PCSK5: variants seen among roughly 807,000 people sequenced by gnomAD.
The protein encoded by PCSK5 is proprotein convertase subtilisin/kexin type 5, also known as prohormone convertase 5.
A neutral mutation model predicts 233.2 loss-of-function variants in PCSK5; 129 were observed. That is an observed-to-expected ratio of 0.55 (90% CI 0.48 to 0.64). PCSK5 has a LOEUF of 0.64. Among genes scored for constraint, PCSK5 ranks in the 30% least tolerant of loss-of-function variants. The pLI is 0.00. For synonymous variants in PCSK5, 825 were observed against 879.2 expected (o/e 0.94, Z 1.09); for missense variants, 2,076 against 2,430.1 (o/e 0.85, Z 3.06).
chr9:76,352,200 C>T (rs1003830482), intron 36 of PCSK5, among the ~76,000 whole-genome samples: 1 of 152,140 alleles, frequency 6.6e-6, no homozygotes, highest in African/African-American at 2.4e-5. Flanking sequence ...TCATGACTTC[C>T]CTTTTTAGAC....
intron 24 of PCSK5, 89 bp downstream of exon 24, chr9:76,240,773 T>C: frequency 1.1e-6 from 1 of 886,358 alleles, no homozygotes; most frequent in South Asian, 1.5e-5. Flanking sequence ...CAGCAGGCAC[T>C]CTTGTCATTG....
intron 20 of PCSK5, among the ~76,000 whole-genome samples, chr9:76,215,411 A>G (rs1346767975): frequency 7.0e-6 from 1 of 142,504 alleles, no homozygotes; most frequent in Non-Finnish European, 1.5e-5. Context: ...GTGGATGCTA[A>G]GCCTGCCTGG....
intron 14 of PCSK5, among the ~76,000 whole-genome samples, chr9:76,178,115 G>A (rs1823697920): frequency 6.6e-6 from 1 of 152,100 alleles, no homozygotes; most frequent in South Asian, 2.1e-4. Context: ...TTGGATCCAA[G>A]GGACTGTGAG....
chr9:76,314,631 A>G (rs1828966330), intron 30 of PCSK5, among the ~76,000 whole-genome samples: 2 of 151,212 alleles, frequency 1.3e-5, no homozygotes, highest in South Asian at 4.2e-4. Context: ...ATGTTCATGA[A>G]AAAAAAAAGT....
intron 2 of PCSK5, among the ~76,000 whole-genome samples, chr9:75,959,072 G>A (rs184410246): frequency 3.3e-4 from 51 of 152,288 alleles, no homozygotes; most frequent in African/African-American, 1.2e-3. Flanking sequence ...TAATAGGAGA[G>A]CAGTGATCAT....
intron 24 of PCSK5, among the ~76,000 whole-genome samples, chr9:76,252,752 A>AC (rs1227088126): frequency 6.6e-6 from 1 of 152,158 alleles, no homozygotes; most frequent in African/African-American, 2.4e-5. Context: ...CAAATCTAGG[A>AC]CTTAGAGAAC....
chr9:76,284,536 T>C (rs1435679081), intron 24 of PCSK5, among the ~76,000 whole-genome samples: 37 of 26,312 alleles, frequency 1.4e-3, no homozygotes, highest in East Asian at 0.012. Flanking sequence ...TTTTTTTGTC[T>C]TTTTTTTTTT....
intron 7 of PCSK5, among the ~76,000 whole-genome samples, chr9:76,073,781 C>T (rs1587591118): frequency 6.6e-6 from 1 of 152,036 alleles, no homozygotes; most frequent in East Asian, 1.9e-4. Flanking sequence ...GACTAGTAGG[C>T]GTGTCACTGA....
intron 2 of PCSK5, among the ~76,000 whole-genome samples, chr9:75,946,062 T>A (rs1824552155): frequency 6.6e-6 from 1 of 152,218 alleles, no homozygotes; most frequent in African/African-American, 2.4e-5. Flanking sequence ...GGTATTCCCA[T>A]GGCCTGGAAC....
At chr9:76,287,076 T>C (rs1828100224) in intron 24 of PCSK5, 3 of 161,174 alleles carry the variant, frequency 1.9e-5, no homozygotes, top group African/African-American at 7.2e-5. Context: ...AGTGTGGGGA[T>C]AGTCTTATCC....
rs368409377 is a variant in PCSK5 at position 76,169,692 on chromosome 9, G to A, written c.1620-12G>A. 18 of 1,611,024 alleles carry A rather than the reference G, an allele frequency of 1.1e-5. No homozygotes were observed. Among genetic ancestry groups the A allele is most frequent in the Non-Finnish European group, 1.5e-5 (18 of 1,178,134 alleles). On this transcript the variant is annotated splice_polypyrimidine_tract_variant and intron_variant, in intron 12 of 37. Transcript: ENST00000674117. ...GAAATATCGCACATAACAATGTTTT[G>A]TTCACTTTCAGGCTATTTGATCACT...
At position 76,033,440 on chromosome 9, in the gene PCSK5, C is replaced by G. The variant is rs979034428; in HGVS notation, c.632+6403C>G. 2.0e-5 allele frequency among the ~76,000 whole-genome samples: 3 copies of G among 152,002 alleles called. No homozygotes were observed. The East Asian group carries it at 5.8e-4, about 29-fold the overall frequency. On this transcript the variant is annotated intron_variant, in intron 5 of 37. Transcript: ENST00000674117. ...TTCAAATATTTTCAAATTTTTTTCT[C>G]TAATACTTTTGCAAAATAACATCTA...
chr9:76,047,561 C>A (rs1448470481), intron 5 of PCSK5, among the ~76,000 whole-genome samples: 1 of 152,070 alleles, frequency 6.6e-6, no homozygotes, highest in Non-Finnish European at 1.5e-5. Context: ...GGTAGCAAAC[C>A]AATTTTGCAT....
At chr9:76,201,144 C>T (rs1251106179) in intron 20 of PCSK5, among the ~76,000 whole-genome samples, 1 of 152,146 alleles carries the variant, frequency 6.6e-6, no homozygotes, top group Non-Finnish European at 1.5e-5. Flanking sequence ...GGCCTGTTTG[C>T]AAAACTGGAC....
intron 22 of PCSK5, among the ~76,000 whole-genome samples, chr9:76,236,540 C>T (rs1226301262): frequency 6.6e-6 from 1 of 152,130 alleles, no homozygotes; most frequent in Non-Finnish European, 1.5e-5. Flanking sequence ...AAGTCGAAGA[C>T]CCTGGGCAAG....
intron 1 of PCSK5, among the ~76,000 whole-genome samples, chr9:75,891,908 T>C (rs1362700654): frequency 6.9e-6 from 1 of 145,762 alleles, no homozygotes; most frequent in Non-Finnish European, 1.5e-5. Flanking sequence ...GCGCGGGGAC[T>C]GGAGCTGGAA....
At chr9:76,089,119 C>T (rs1357308148) in intron 7 of PCSK5, among the ~76,000 whole-genome samples, 3 of 152,060 alleles carry the variant, frequency 2.0e-5, no homozygotes, top group Non-Finnish European at 4.4e-5. Flanking sequence ...GTCCTTGTCT[C>T]TCTCCAACTT....
intron 3 of PCSK5, among the ~76,000 whole-genome samples, chr9:75,991,326 T>A (rs961761494): frequency 6.6e-6 from 1 of 151,980 alleles, no homozygotes; most frequent in Admixed American, 6.6e-5. Flanking sequence ...TTCTGGCGAG[T>A]TTCCAATTGA....
chr9:76,329,393 C>G (rs1044216274), intron 33 of PCSK5, among the ~76,000 whole-genome samples: 1 of 151,858 alleles, frequency 6.6e-6, no homozygotes, highest in Non-Finnish European at 1.5e-5. Flanking sequence ...TTCCTGGGCT[C>G]TAGCTATTCT....
Sources: allele counts gnomAD v4.1 joint callset (sites outside exome capture counted in the v4.1 genomes callset), GRCh38; gene constraint gnomAD v4.1.1; transcripts MANE v1.5; gene names NCBI Gene and HGNC (gene_info 2026-07-23, HGNC 2026-07-21).